The following MYRIP variants were observed in gnomAD, a reference collection of about 807,000 sequenced individuals.
MYRIP encodes the protein rab effector MyRIP.
Under a neutral mutation model 98.0 loss-of-function variants are expected in MYRIP, and 49 were observed. That is an observed-to-expected ratio of 0.50 (90% CI 0.40 to 0.63). The LOEUF (loss-of-function observed/expected upper bound fraction) is 0.63. Ranked by LOEUF, MYRIP falls within the 30% of genes least tolerant of loss-of-function variation. MYRIP has a pLI of 0.00. For synonymous variants in MYRIP, 404 were observed against 409.5 expected (o/e 0.99, Z 0.16); for missense variants, 1,004 against 1,058.2 (o/e 0.95, Z 0.71).
At chr3:40,225,955 G>A (rs1952476734) in intron 11 of MYRIP, among the ~76,000 whole-genome samples, 2 of 152,132 alleles carry the variant, frequency 1.3e-5, no homozygotes, top group Admixed American at 6.5e-5. Context: ...TTACCTGGAT[G>A]TCCACTGTCC....
intron 11 of MYRIP, among the ~76,000 whole-genome samples, chr3:40,217,861 T>G (rs897043612): frequency 6.6e-6 from 1 of 152,130 alleles, no homozygotes; most frequent in African/African-American, 2.4e-5. Flanking sequence ...TCCAGTGCAA[T>G]AGGAAATAAA....
intron 2 of MYRIP, among the ~76,000 whole-genome samples, chr3:39,971,381 T>C (rs1381727545): frequency 1.3e-5 from 2 of 152,056 alleles, no homozygotes; most frequent in Non-Finnish European, 2.9e-5. Flanking sequence ...AAAAGGTGTA[T>C]TGGGGGTGGC....
intron 11 of MYRIP, among the ~76,000 whole-genome samples, chr3:40,220,330 T>C (rs1952299125): frequency 6.6e-6 from 1 of 152,192 alleles, no homozygotes; most frequent in Admixed American, 6.5e-5. Flanking sequence ...GCAGAAGCTG[T>C]TTAGTTTAAT....
At chr3:39,813,243 A>C (rs1940761914) in intron 1 of MYRIP, among the ~76,000 whole-genome samples, 3 of 152,186 alleles carry the variant, frequency 2.0e-5, no homozygotes, top group Admixed American at 6.5e-5. Flanking sequence ...GACATGTCCC[A>C]AAATCCCACA....
At chr3:40,005,611 T>C (rs1157202791) in intron 2 of MYRIP, among the ~76,000 whole-genome samples, 1 of 152,254 alleles carries the variant, frequency 6.6e-6, no homozygotes, top group Admixed American at 6.5e-5. Flanking sequence ...TTTGATTTCA[T>C]TGGCACCAAA....
intron 15 of MYRIP, 74 bp from the exon 16 acceptor site, chr3:40,251,807 C>A: frequency 2.0e-6 from 2 of 996,308 alleles, no homozygotes; most frequent in Non-Finnish European, 3.2e-6. Context: ...AGTAATCTGG[C>A]CACCTTGTTT....
chr3:39,961,223 T>G (rs2125733034), intron 2 of MYRIP, among the ~76,000 whole-genome samples: 1 of 152,176 alleles, frequency 6.6e-6, no homozygotes, highest in East Asian at 1.9e-4. Context: ...TTCCTTGAGT[T>G]TTTTGCAGAA....
chr3:40,020,948 A>G (rs982681773), intron 2 of MYRIP, among the ~76,000 whole-genome samples: 1 of 152,090 alleles, frequency 6.6e-6, no homozygotes. Flanking sequence ...GTAGCCATGT[A>G]TGAGCATACT....
intron 2 of MYRIP, among the ~76,000 whole-genome samples, chr3:39,906,001 C>T (rs74815493): frequency 0.031 from 4,690 of 152,016 alleles, 173 homozygotes; most frequent in East Asian, 0.09. Context: ...TCCTGGGGAG[C>T]GTGCAGAGGT....
chr3:39,990,020 G>T (rs114835657), intron 2 of MYRIP, among the ~76,000 whole-genome samples: 1 of 152,198 alleles, frequency 6.6e-6, no homozygotes, highest in Admixed American at 6.5e-5. Context: ...TGCAGCTGTG[G>T]TGCTGATCAC....
intron 1 of MYRIP, among the ~76,000 whole-genome samples, chr3:39,885,305 A>G (rs1943263086): frequency 6.6e-6 from 1 of 152,040 alleles, no homozygotes; most frequent in African/African-American, 2.4e-5. Flanking sequence ...ATGTGAAAAG[A>G]CAATTTTTGA....
chr3:40,218,272 T>A (rs1200930232), intron 11 of MYRIP, among the ~76,000 whole-genome samples: 3 of 151,972 alleles, frequency 2.0e-5, no homozygotes, highest in Non-Finnish European at 4.4e-5. Context: ...TGCACCAATG[T>A]CAATGAATCT....
chr3:40,224,165 G>A (rs1183096552), intron 11 of MYRIP, among the ~76,000 whole-genome samples: 1 of 152,108 alleles, frequency 6.6e-6, no homozygotes. Context: ...GAAAGCTTCG[G>A]TTTATATTCT....
At chr3:39,937,043 C>A (rs185701961) in intron 2 of MYRIP, among the ~76,000 whole-genome samples, 1 of 152,188 alleles carries the variant, frequency 6.6e-6, no homozygotes, top group African/African-American at 2.4e-5. Flanking sequence ...ACAGAGCAGG[C>A]GTCCATGCCC....
At chr3:40,097,303 A>C (rs1355970327) in intron 3 of MYRIP, among the ~76,000 whole-genome samples, 1 of 152,192 alleles carries the variant, frequency 6.6e-6, no homozygotes, top group Non-Finnish European at 1.5e-5. Flanking sequence ...ACAGAGAGGA[A>C]GTCAAAGAGT....
chr3:40,137,962 A>G (rs901190367), intron 3 of MYRIP, among the ~76,000 whole-genome samples: 1 of 152,176 alleles, frequency 6.6e-6, no homozygotes, highest in African/African-American at 2.4e-5. Context: ...TCTATGTCAT[A>G]AATTTATTTA....
chr3:40,244,843 C>A (rs1353210032), intron 13 of MYRIP, among the ~76,000 whole-genome samples: 1 of 152,164 alleles, frequency 6.6e-6, no homozygotes, highest in African/African-American at 2.4e-5. Context: ...AACCTTATAC[C>A]AGTTTCCTCT....
chr3:39,892,828 G>T (rs912366875), intron 1 of MYRIP, among the ~76,000 whole-genome samples: 2 of 152,296 alleles, frequency 1.3e-5, no homozygotes, highest in South Asian at 4.2e-4. Flanking sequence ...GGAATGGAGG[G>T]CATAGATAAC....
At chr3:39,818,147 A>C (rs1471209735) in intron 1 of MYRIP, among the ~76,000 whole-genome samples, 1 of 152,186 alleles carries the variant, frequency 6.6e-6, no homozygotes, top group Non-Finnish European at 1.5e-5. Flanking sequence ...TATTAACTTC[A>C]ACTTTGTAGA....
Sources: gnomAD v4.1 joint callset for allele counts (sites outside exome capture counted in the v4.1 genomes callset) on GRCh38, gnomAD v4.1.1 for gene constraint, MANE v1.5 for transcripts, NCBI Gene and HGNC (gene_info 2026-07-23, HGNC 2026-07-21) for gene names.